The following WDR64 variants were observed in gnomAD, a reference collection of about 807,000 sequenced individuals.
WDR64 encodes the protein WD repeat domain 64, also known as WD repeat-containing protein 64.
WDR64 carries 112 observed loss-of-function variants against 139.3 expected under a neutral mutation model. That is an observed-to-expected ratio of 0.80 (90% confidence interval 0.69 to 0.94). WDR64 has a LOEUF of 0.94. Ranked by LOEUF, WDR64 falls within the 40% of genes least tolerant of loss-of-function variation. The probability of loss-of-function intolerance (pLI) is 0.00; values close to 1 mark genes in which losing one functional copy is unlikely to be tolerated. For missense variants in WDR64, 1,206 were observed against 1,293.1 expected (o/e 0.93, Z 1.03); for synonymous variants, 444 against 437.7 (o/e 1.01, Z -0.18).
intron 18 of WDR64, among the ~76,000 whole-genome samples, 164 bp from the exon 19 acceptor site, chr1:241,771,497 T>G (rs1010779927): frequency 6.6e-6 from 1 of 151,694 alleles, no homozygotes; most frequent in Non-Finnish European, 1.5e-5. Context: ...TTTCTGGACA[T>G]GAAAATCTCT....
chr1:241,758,034 T>C (rs1278905656), intron 15 of WDR64, among the ~76,000 whole-genome samples: 1 of 152,206 alleles, frequency 6.6e-6, no homozygotes, highest in Non-Finnish European at 1.5e-5. Flanking sequence ...GTTTATTTGT[T>C]GCATTTGGTT....
chr1:241,800,138 C>A (rs1464445465), intron 27 of WDR64, among the ~76,000 whole-genome samples: 2 of 152,168 alleles, frequency 1.3e-5, no homozygotes, highest in Admixed American at 6.5e-5. Context: ...AAGATCTGTG[C>A]AGCTTGGAAA....
At chr1:241,694,266 G>T (rs1667405180) in intron 8 of WDR64, among the ~76,000 whole-genome samples, 1 of 152,076 alleles carries the variant, frequency 6.6e-6, no homozygotes, top group African/African-American at 2.4e-5. Flanking sequence ...TCTAAGATGT[G>T]ATTTTCTTGA....
Position 241,802,253 on chromosome 1 carries a change from C to G in WDR64, c.*1038C>G. The G allele has an allele frequency of 5.0e-6, 2 of 397,954 alleles. No individual in the cohort carries two copies. The highest frequency in any genetic ancestry group is 8.9e-6 in the Non-Finnish European group (2 of 225,790). The allele number at this position is 397,954 out of a possible 1,614,324, so 24.7% of individuals were successfully genotyped here. A position where few individuals can be genotyped will look rare whatever the true frequency, so the allele number is the denominator to read the frequency against. On this transcript the variant is annotated 3_prime_UTR_variant, in exon 28 of 28. Coordinates refer to ENST00000437684, the MANE Select transcript of WDR64 (RefSeq NM_001367482.1). ...TGCTAATGCATGCATTAACATAGAC[C>G]AATCTCAAGAATATGTTAAGTCAAA...
chr1:241,756,191 G>A (rs1286281021), intron 14 of WDR64, among the ~76,000 whole-genome samples: 1 of 152,150 alleles, frequency 6.6e-6, no homozygotes, highest in East Asian at 1.9e-4. Context: ...TCCTATCCAT[G>A]AGCATGGGAT....
rs1430624133 is a variant in WDR64, at chr1:241,801,305, C to T, written c.*90C>T. 20 of 1,135,568 alleles carry T rather than the reference C, an allele frequency of 1.8e-5. No individual in the cohort carries two copies. The highest frequency in any genetic ancestry group is 6.6e-6 in the Non-Finnish European group (5 of 761,948). The allele number at this position is 1,135,568 out of a possible 1,614,324, so 70.3% of individuals were successfully genotyped here. On this transcript the variant is annotated 3_prime_UTR_variant, in exon 28 of 28. Coordinates refer to ENST00000437684, the MANE Select transcript of WDR64 (RefSeq NM_001367482.1). ...ATTTCAGGATGAGAGGGAGAAACCA[C>T]CAGACACTATCAGTCATCTCTGGTG...
intron 15 of WDR64, among the ~76,000 whole-genome samples, chr1:241,759,147 A>G (rs995817132): frequency 6.6e-6 from 1 of 152,146 alleles, no homozygotes; most frequent in Non-Finnish European, 1.5e-5. Context: ...TGTACATTAC[A>G]TTATATTCTA....
chr1:241,712,213 C>T (rs1033994237), intron 9 of WDR64, among the ~76,000 whole-genome samples: 1 of 152,082 alleles, frequency 6.6e-6, no homozygotes, highest in Non-Finnish European at 1.5e-5. Flanking sequence ...CCTGGAGCCC[C>T]CGGCACTTAT....
chr1:241,767,237 C>T (rs548463610), intron 16 of WDR64, among the ~76,000 whole-genome samples: 37 of 152,292 alleles, frequency 2.4e-4, no homozygotes, highest in African/African-American at 8.4e-4. Flanking sequence ...TTGGGGCTAA[C>T]AAGGGCCAAT....
Position 241,752,819 on chromosome 1 carries a change from C to G in WDR64, c.1770+3097C>G, listed in dbSNP as rs1670029041. 3.9e-5 allele frequency among the ~76,000 whole-genome samples: 6 copies of G among 152,292 alleles called. No individual in the cohort carries two copies. In the South Asian group the frequency reaches 1.2e-3, roughly 32 times the overall value. On this transcript the variant is annotated intron_variant, in intron 14 of 27. Transcript: ENST00000437684. ...TGAGCCAAAATTGCACCACTGCACT[C>G]CAGCCTGGGCGACAGAGCAAGACTC...
intron 21 of WDR64, among the ~76,000 whole-genome samples, chr1:241,779,203 T>G (rs1388664769): frequency 6.6e-6 from 1 of 152,238 alleles, no homozygotes; most frequent in African/African-American, 2.4e-5. Flanking sequence ...TCTTCTTGCT[T>G]GCGTTGCTTT....
intron 2 of WDR64, among the ~76,000 whole-genome samples, chr1:241,670,083 AT>A (rs1666165198): frequency 6.6e-6 from 1 of 152,210 alleles, no homozygotes; most frequent in Admixed American, 6.5e-5. Context: ...ATTTAAATAC[AT>A]AATTATTTTT....
At chr1:241,750,409 A>T (rs1404421068) in intron 14 of WDR64, among the ~76,000 whole-genome samples, 1 of 152,216 alleles carries the variant, frequency 6.6e-6, no homozygotes, top group Non-Finnish European at 1.5e-5. Flanking sequence ...ATCATGAAGC[A>T]CCAGCTTAAG....
At chr1:241,737,385 A>G (rs1026657949) in intron 10 of WDR64, among the ~76,000 whole-genome samples, 2 of 152,246 alleles carry the variant, frequency 1.3e-5, no homozygotes. Context: ...GAACTCAATT[A>G]TAAGTGCCTC....
At chr1:241,740,224 G>A (rs941938336) in intron 11 of WDR64, among the ~76,000 whole-genome samples, 3 of 152,200 alleles carry the variant, frequency 2.0e-5, no homozygotes, top group Admixed American at 2.0e-4. Context: ...TATAGCAGCA[G>A]TGTAACTAGC....
chr1:241,678,159 T>C, intron 4 of WDR64, 28 bp from the exon 5 acceptor site: 1 of 398,836 alleles, frequency 2.5e-6, no homozygotes, highest in Non-Finnish European at 4.4e-6. Flanking sequence ...GCCAACTAGG[T>C]TTCATTATTC....
At chr1:241,736,192 C>T (rs914849087) in intron 10 of WDR64, among the ~76,000 whole-genome samples, 2 of 152,090 alleles carry the variant, frequency 1.3e-5, no homozygotes, top group African/African-American at 4.8e-5. Context: ...ACTGCCTGCT[C>T]CAGACCAAGC....
At chr1:241,728,286 T>C (rs963474599) in intron 10 of WDR64, among the ~76,000 whole-genome samples, 9 of 151,758 alleles carry the variant, frequency 5.9e-5, no homozygotes, top group African/African-American at 1.9e-4. Flanking sequence ...AGAGCCGAGA[T>C]TGCACCACTG....
chr1:241,795,397 T>C (rs915188732), intron 26 of WDR64, 110 bp downstream of exon 26: 17 of 947,744 alleles, frequency 1.8e-5, no homozygotes, highest in Non-Finnish European at 2.7e-5. Flanking sequence ...TACAGTCAGT[T>C]GGACCGTTGC....
Sources: allele counts gnomAD v4.1 joint callset (sites outside exome capture counted in the v4.1 genomes callset), GRCh38; gene constraint gnomAD v4.1.1; transcripts MANE v1.5; gene names NCBI Gene and HGNC (gene_info 2026-07-23, HGNC 2026-07-21).